DZIP1L: variants seen among roughly 807,000 people sequenced by gnomAD.
DZIP1L encodes the protein cilium assembly protein DZIP1L.
Under a neutral mutation model 88.7 loss-of-function variants are expected in DZIP1L, and 90 were observed. The ratio of observed to expected loss-of-function variants is 1.02; its 90% CI spans 0.86 to 1.21. DZIP1L has a LOEUF of 1.21. Among genes scored for constraint, DZIP1L ranks in the 50% most tolerant of loss-of-function variants. The probability of loss-of-function intolerance (pLI) is 0.00; values close to 1 mark genes in which losing one functional copy is unlikely to be tolerated. For missense variants in DZIP1L, 932 were observed against 955.8 expected, an observed-to-expected ratio of 0.98 and a Z score of 0.33; for synonymous variants, 363 against 372.1, an observed-to-expected ratio of 0.98 and a Z score of 0.28.
rs958158939 is a variant in DZIP1L, at chr3:138,063,548, G to A, written c.2143-571C>T. On this transcript the variant is annotated intron_variant, in intron 15 of 15. Coordinates refer to ENST00000327532, the MANE Select transcript of DZIP1L (RefSeq NM_173543.3). The surrounding 1 kb of genome is among the most constrained non-coding windows in gnomAD (Gnocchi z 4.1). ...CCACCCCCTGACCACAGCCACCTGCGTAGCAGCCCAGGCTTTCCCCTCTGG... is the reference window on the plus strand; with the variant it reads ...CCACCCCCTGACCACAGCCACCTGCATAGCAGCCCAGGCTTTCCCCTCTGG... Among the ~76,000 whole-genome samples the A allele has an allele frequency of 1.3e-5, 2 of 152,304 alleles. No homozygotes were observed. Among genetic ancestry groups the A allele is most frequent in the South Asian group, 2.1e-4 (1 of 4,822 alleles).
At chr3:138,089,650 A>G (rs1944110881) in intron 5 of DZIP1L, among the ~76,000 whole-genome samples, 1 of 152,212 alleles carries the variant, frequency 6.6e-6, no homozygotes. Flanking sequence ...ATCATTCTAA[A>G]TGGAATCTTG....
At chr3:138,093,692 T>C (rs1211154453) in intron 4 of DZIP1L, among the ~76,000 whole-genome samples, 1 of 152,276 alleles carries the variant, frequency 6.6e-6, no homozygotes, top group African/African-American at 2.4e-5. Context: ...TGCACTTTCA[T>C]TGTTATGGAG....
At chr3:138,098,276 G>A (rs1270032887) in intron 2 of DZIP1L, among the ~76,000 whole-genome samples, 5 of 152,206 alleles carry the variant, frequency 3.3e-5, no homozygotes, top group Admixed American at 3.3e-4. Context: ...CACTGCCCAT[G>A]GGTTGATACT....
At chr3:138,097,181 C>CAA (rs71304267) in intron 3 of DZIP1L, among the ~76,000 whole-genome samples, 15 of 103,382 alleles carry the variant, frequency 1.5e-4, no homozygotes, top group Admixed American at 1.1e-3. Flanking sequence ...GACCCTGTCT[C>CAA]AAAAAAAAAA....
chr3:138,105,455 C>T (rs930664905), intron 1 of DZIP1L, among the ~76,000 whole-genome samples: 1 of 151,996 alleles, frequency 6.6e-6, no homozygotes, highest in Non-Finnish European at 1.5e-5. Context: ...TCTACAGATG[C>T]TCAAATTGCT....
Position 138,063,073 on chromosome 3 carries a change from A to G in DZIP1L, c.2143-96T>C. On this transcript the variant is annotated intron_variant, in intron 15 of 15. Transcript: ENST00000327532. The surrounding 1 kb of genome is among the most constrained non-coding windows in gnomAD (Gnocchi z 4.1). ...TGCAGGATGGGAATGCAGAATGGAA[A>G]TGGGGACAAATGCAGACTGGGAAGA... 7.3e-7 allele frequency: 1 copy of G among 1,360,636 alleles called. No homozygotes were observed. The highest frequency in any genetic ancestry group is 1.0e-6 in the Non-Finnish European group (1 of 985,482). The allele number at this position is 1,360,636 out of a possible 1,614,324, so 84.3% of individuals were successfully genotyped here.
intron 14 of DZIP1L, 77 bp downstream of exon 14, chr3:138,067,454 T>C (rs1942959009): frequency 1.4e-6 from 2 of 1,480,814 alleles, no homozygotes; most frequent in Non-Finnish European, 1.8e-6. Flanking sequence ...AGGGTGTTTC[T>C]GGAGCCTTGA....
chr3:138,106,134 T>C (rs1053233929), intron 1 of DZIP1L, among the ~76,000 whole-genome samples: 1,775 of 131,994 alleles, frequency 0.013, 53 homozygotes, highest in African/African-American at 0.049. Flanking sequence ...TTTCTTTTTT[T>C]TTTTTTTTTT....
intron 2 of DZIP1L, among the ~76,000 whole-genome samples, chr3:138,099,309 AT>A (rs899541357): frequency 8.0e-4 from 119 of 148,004 alleles, no homozygotes; most frequent in African/African-American, 2.2e-3. Flanking sequence ...TTTTTTAGGA[AT>A]TTTTTTTTTT....
chr3:138,092,187 C>A (rs1045233836), intron 5 of DZIP1L, among the ~76,000 whole-genome samples, 196 bp downstream of exon 5: 5 of 152,082 alleles, frequency 3.3e-5, no homozygotes, highest in Non-Finnish European at 5.9e-5. Flanking sequence ...GGTCTCACAG[C>A]CAGAATGTTG....
At chr3:138,087,572 G>A (rs1250307639) in intron 6 of DZIP1L, among the ~76,000 whole-genome samples, 2 of 152,090 alleles carry the variant, frequency 1.3e-5, no homozygotes, top group East Asian at 1.9e-4. Flanking sequence ...AATTGATAGG[G>A]GAAACATCAA....
At chr3:138,100,521 A>T (rs529170338) in intron 2 of DZIP1L, among the ~76,000 whole-genome samples, 3 of 152,214 alleles carry the variant, frequency 2.0e-5, no homozygotes, top group Non-Finnish European at 4.4e-5. Context: ...ATTTGTAGCC[A>T]GTTAGTCAGA....
At chr3:138,102,495 C>G (rs1431896748) in intron 2 of DZIP1L, 1 of 1,343,556 alleles carries the variant, frequency 7.4e-7, no homozygotes, top group African/African-American at 1.4e-5. Context: ...TGATGTAGCT[C>G]TGAACATGTT....
At chr3:138,101,116 T>C (rs999907120) in intron 2 of DZIP1L, among the ~76,000 whole-genome samples, 10 of 152,010 alleles carry the variant, frequency 6.6e-5, no homozygotes, top group African/African-American at 2.2e-4. Context: ...CTTAGACACA[T>C]ATACATCCTT....
intron 10 of DZIP1L, among the ~76,000 whole-genome samples, chr3:138,078,206 G>C (rs1453966256): frequency 2.6e-5 from 4 of 152,222 alleles, no homozygotes; most frequent in African/African-American, 9.6e-5. Context: ...GTGCTACAAA[G>C]GAGCAGTCCA....
At chr3:138,065,559 C>T (rs900273575) in intron 14 of DZIP1L, among the ~76,000 whole-genome samples, 5 of 152,350 alleles carry the variant, frequency 3.3e-5, no homozygotes, top group Middle Eastern at 6.8e-3. Flanking sequence ...TCCTAACACC[C>T]AGTCCCAAGA....
Position 138,103,858 on chromosome 3 carries a change from A to G in DZIP1L, c.114T>C (p.Ile38=), listed in dbSNP as rs1191654500. 3.7e-6 allele frequency: 6 copies of G among 1,613,996 alleles called. No homozygotes were observed. The highest frequency in any genetic ancestry group is 5.1e-6 in the Non-Finnish European group (6 of 1,180,054). ...PRHDSMDWRR[I]STLDVDRVAR... ...CCACGCGGTCTACATCCAGGGTGCTAATGCGTCTCCAGTCCATGCTATCAT... is the reference window on the plus strand; with the variant it reads ...CCACGCGGTCTACATCCAGGGTGCTGATGCGTCTCCAGTCCATGCTATCAT... Residue 38 remains isoleucine (I), a synonymous_variant, in exon 2 of 16, where the codon ATT becomes ATC. Transcript: ENST00000327532.
At chr3:138,069,119 C>G (rs750559450) in intron 12 of DZIP1L, 1 of 778,662 alleles carries the variant, frequency 1.3e-6, no homozygotes, top group African/African-American at 1.7e-5. Flanking sequence ...CTCTGCCACC[C>G]GTGAGACAGC....
chr3:138,068,143 G>T lies in DZIP1L; in HGVS notation c.1832+8C>A, dbSNP rs116780404. 2.1e-3 allele frequency: 3,180 copies of T among 1,496,250 alleles called. 67 individuals are homozygous for T. In the African/African-American group the frequency reaches 0.04, roughly 19 times the overall value. 92.7% of individuals were successfully genotyped at this position (1,496,250 alleles called of 1,614,324 possible). A position where few individuals can be genotyped will look rare whatever the true frequency, so the allele number is the denominator to read the frequency against. ...AGGTGGGGTGAGAGGGCAGAGTCTG[G>T]GGCTCACCTCATCCCGGGCCCCGAG... is the stretch of plus-strand genomic sequence containing the variant. On this transcript the variant is annotated splice_region_variant and intron_variant, in intron 13 of 15. Coordinates refer to ENST00000327532, the MANE Select transcript of DZIP1L (RefSeq NM_173543.3).
Sources: allele counts gnomAD v4.1 joint callset (sites outside exome capture counted in the v4.1 genomes callset), GRCh38; gene constraint gnomAD v4.1.1; non-coding constraint Gnocchi (gnomAD v3.1); transcripts MANE v1.5; gene names NCBI Gene and HGNC (gene_info 2026-07-23, HGNC 2026-07-21).